SHISA9: variants seen among roughly 807,000 people sequenced by gnomAD.
SHISA9 encodes protein shisa-9.
In SHISA9, 13 loss-of-function variants were observed where a neutral mutation model predicts 38.0. That is an observed-to-expected ratio of 0.34 (90% confidence interval 0.22 to 0.54). SHISA9 has a LOEUF of 0.54. Among genes scored for constraint, SHISA9 ranks in the 20% least tolerant of loss-of-function variants. The pLI is 0.91. For missense variants in SHISA9, 538 were observed against 575.8 expected, an observed-to-expected ratio of 0.93 and a Z score of 0.67; for synonymous variants, 275 against 242.0, an observed-to-expected ratio of 1.14 and a Z score of -1.27.
intron 2 of SHISA9, among the ~76,000 whole-genome samples, chr16:13,069,438 ATGTG>A (rs1406961493): frequency 6.6e-6 from 1 of 151,430 alleles, no homozygotes; most frequent in Admixed American, 6.6e-5. Flanking sequence ...GTATGTGTAT[ATGTG>A]TGTGTACACA....
the SHISA9 span, among the ~76,000 whole-genome samples, chr16:13,382,559 G>GA: frequency 2.7e-4 from 37 of 138,136 alleles, no homozygotes; most frequent in South Asian, 2.4e-4. Context: ...AGAAAGAAAA[G>GA]AAAAAAAACA....
At chr16:13,206,501 C>T (rs1415323240) in intron 3 of SHISA9, among the ~76,000 whole-genome samples, 2 of 152,184 alleles carry the variant, frequency 1.3e-5, no homozygotes, top group Non-Finnish European at 2.9e-5. Flanking sequence ...ACATCAGATT[C>T]ACAAAACAAG....
chr16:13,547,163 G>A, the SHISA9 span, among the ~76,000 whole-genome samples: 1 of 152,050 alleles, frequency 6.6e-6, no homozygotes, highest in Non-Finnish European at 1.5e-5. Flanking sequence ...AATATTTATT[G>A]AATATCTACT....
At chr16:12,940,938 C>T (rs1312046224) in intron 2 of SHISA9, among the ~76,000 whole-genome samples, 2 of 152,158 alleles carry the variant, frequency 1.3e-5, no homozygotes, top group Non-Finnish European at 2.9e-5. Context: ...CAAGAAGAAA[C>T]AAACAAAGCC....
rs940493268 is a variant in SHISA9, at chr16:12,968,665, C to G, written c.691+51850C>G. 3.3e-5 allele frequency among the ~76,000 whole-genome samples: 5 copies of G among 152,118 alleles called. No individual in the cohort carries two copies. The South Asian group carries it at 6.2e-4, about 19-fold the overall frequency. ...GAAGCCAGGCACAAAGGTGTACAGACTGTGTGTGGTTCTGTTTATGGAAAG... is the reference window on the plus strand; with the variant it reads ...GAAGCCAGGCACAAAGGTGTACAGAGTGTGTGTGGTTCTGTTTATGGAAAG... On this transcript the variant is annotated intron_variant, in intron 2 of 4. Coordinates refer to ENST00000558583, the MANE Select transcript of SHISA9 (RefSeq NM_001145204.3).
chr16:13,316,789 T>C, the SHISA9 span, among the ~76,000 whole-genome samples: 1 of 152,204 alleles, frequency 6.6e-6, no homozygotes, highest in African/African-American at 2.4e-5. Flanking sequence ...AAAGCAGGCA[T>C]AAATATACAC....
At chr16:13,280,547 C>T in the SHISA9 span, among the ~76,000 whole-genome samples, 1 of 151,706 alleles carries the variant, frequency 6.6e-6, no homozygotes, top group Non-Finnish European at 1.5e-5. Flanking sequence ...TCCTCTTTGA[C>T]TTGCCTATTA....
At chr16:13,528,729 C>T in the SHISA9 span, among the ~76,000 whole-genome samples, 51 of 152,292 alleles carry the variant, frequency 3.3e-4, no homozygotes, top group Admixed American at 1.6e-3. Flanking sequence ...GTAACATAGA[C>T]CTAAAATCCC....
the SHISA9 span, among the ~76,000 whole-genome samples, chr16:13,329,372 A>G: frequency 6.6e-6 from 1 of 152,140 alleles, no homozygotes. Context: ...TTCTTGGGGC[A>G]AGACGATGAA....
chr16:13,052,092 T>C (rs899779869), intron 2 of SHISA9, among the ~76,000 whole-genome samples: 1 of 152,150 alleles, frequency 6.6e-6, no homozygotes, highest in East Asian at 1.9e-4. Flanking sequence ...TAATTTCTTA[T>C]TGCAAGTCTT....
At chr16:13,490,891 A>T in the SHISA9 span, among the ~76,000 whole-genome samples, 4 of 152,118 alleles carry the variant, frequency 2.6e-5, no homozygotes, top group East Asian at 7.7e-4. Flanking sequence ...TATTTGGGAG[A>T]GGGAAATGTT....
the SHISA9 span, among the ~76,000 whole-genome samples, chr16:13,316,646 C>A: frequency 6.6e-6 from 1 of 152,164 alleles, no homozygotes; most frequent in African/African-American, 2.4e-5. Context: ...AAAAACCCTC[C>A]ATCCAATAAC....
chr16:12,956,435 A>G (rs369296510), intron 2 of SHISA9, among the ~76,000 whole-genome samples: 1 of 152,220 alleles, frequency 6.6e-6, no homozygotes, highest in South Asian at 2.1e-4. Context: ...ATTCATGTTT[A>G]TTTCAGCACT....
At chr16:13,504,210 T>C in the SHISA9 span, among the ~76,000 whole-genome samples, 3 of 152,144 alleles carry the variant, frequency 2.0e-5, no homozygotes, top group African/African-American at 7.2e-5. Flanking sequence ...ATAATTCACA[T>C]AAAGCATTGT....
At chr16:13,004,967 GA>G (rs1366812903) in intron 2 of SHISA9, among the ~76,000 whole-genome samples, 2 of 150,224 alleles carry the variant, frequency 1.3e-5, no homozygotes, top group African/African-American at 2.4e-5. Context: ...AAGAAAAAAA[GA>G]AAGAAAGAAA....
chr16:13,454,127 A>C, the SHISA9 span, among the ~76,000 whole-genome samples: 1 of 152,212 alleles, frequency 6.6e-6, no homozygotes, highest in Admixed American at 6.5e-5. Context: ...TAAGGAGATG[A>C]GAGGGAAAGG....
the SHISA9 span, among the ~76,000 whole-genome samples, chr16:13,375,370 G>A: frequency 2.6e-5 from 4 of 152,062 alleles, no homozygotes; most frequent in East Asian, 1.9e-4. Context: ...GAAGGGATCT[G>A]GTTTCAGCTT....
chr16:13,252,028 A>G, the SHISA9 span, among the ~76,000 whole-genome samples: 1 of 152,224 alleles, frequency 6.6e-6, no homozygotes, highest in Non-Finnish European at 1.5e-5. Context: ...AGTACACAGC[A>G]AGTTCCCTTA....
At chr16:13,017,163 G>GC in intron 2 of SHISA9, among the ~76,000 whole-genome samples, 1 of 152,026 alleles carries the variant, frequency 6.6e-6, no homozygotes, top group East Asian at 1.9e-4. Flanking sequence ...GGGATTACAG[G>GC]CCCCCGCCAC....
Sources: gnomAD v4.1 joint callset for allele counts (sites outside exome capture counted in the v4.1 genomes callset) on GRCh38, gnomAD v4.1.1 for gene constraint, MANE v1.5 for transcripts, NCBI Gene and HGNC (gene_info 2026-07-23, HGNC 2026-07-21) for gene names.